The following NEMP2 variants were observed in gnomAD, a reference collection of about 807,000 sequenced individuals.
NEMP2 encodes the protein nuclear envelope integral membrane protein 2, also known as UPF0571 transmembrane protein.
NEMP2 carries 53 observed loss-of-function variants against 54.2 expected under a neutral mutation model. The observed-to-expected ratio is 0.98, with a 90% CI of 0.78 to 1.23. The LOEUF (loss-of-function observed/expected upper bound fraction) is 1.23, where lower values mean the gene tolerates loss of function less well. Among genes scored for constraint, NEMP2 ranks in the 50% most tolerant of loss-of-function variants. The pLI, the probability that NEMP2 is intolerant of heterozygous loss-of-function variation, is 0.00. For synonymous variants in NEMP2, 197 were observed against 190.3 expected (o/e 1.04, Z -0.29); for missense variants, 455 against 511.3 (o/e 0.89, Z 1.06).
chr2:190,505,812 A>C lies in NEMP2; in HGVS notation c.*3377T>G, dbSNP rs962851913. The C allele has an allele frequency of 1.3e-5, 2 of 152,268 alleles. No individual in the cohort carries two copies. The highest frequency in any genetic ancestry group is 4.8e-5 in the African/African-American group (2 of 41,466). The allele number at this position is 152,268 out of a possible 1,614,324, so 9.4% of individuals were successfully genotyped here. On this transcript the variant is annotated 3_prime_UTR_variant, in exon 9 of 9. Coordinates refer to ENST00000409150, the MANE Select transcript of NEMP2 (RefSeq NM_001142645.2). This position sits in a 1 kb window ranked among gnomAD's most constrained non-coding sequence, Gnocchi z 5.8. ...AGAGGAAAAAGTTGGCAGGACCTGC[A>C]TAAAGGAAGGCGTGGTCTTTGTCAA...
chr2:190,548,719 A>G, the NEMP2 span, among the ~76,000 whole-genome samples: 10 of 152,358 alleles, frequency 6.6e-5, no homozygotes, highest in African/African-American at 1.4e-4. Flanking sequence ...CTTTATATCT[A>G]TCATGAAGTA....
At chr2:190,435,816 T>C in the NEMP2 span, 1 of 599,206 alleles carries the variant, frequency 1.7e-6, no homozygotes, top group East Asian at 3.0e-5. Flanking sequence ...AAAGCTATTT[T>C]TCCTTACCGG....
the NEMP2 span, among the ~76,000 whole-genome samples, chr2:190,601,397 G>T: frequency 1.4e-4 from 21 of 152,254 alleles, no homozygotes; most frequent in African/African-American, 4.6e-4. This position sits in a 1 kb window ranked among gnomAD's most constrained non-coding sequence, Gnocchi z 5.8. Context: ...GCTTTGTGGT[G>T]CCTTGTTATG....
chr2:190,509,335 TAA>T lies in NEMP2; in HGVS notation c.1131-25_1131-24del, dbSNP rs1394666931. On this transcript the variant is annotated intron_variant, in intron 8 of 8. Coordinates refer to ENST00000409150, the MANE Select transcript of NEMP2 (RefSeq NM_001142645.2). The surrounding 1 kb of genome is among the most constrained non-coding windows in gnomAD (Gnocchi z 6.1). Reference sequence around the variant, plus strand: ...AATCTAACAAGTTTTTTGTTTTAAATAAAGTTAATGTTATCTCAGGAAGGTTT... The same window carrying T: ...AATCTAACAAGTTTTTTGTTTTAAATAGTTAATGTTATCTCAGGAAGGTTT... The T allele has an allele frequency of 1.9e-6, 3 of 1,550,060 alleles. No individual in the cohort carries two copies. The highest frequency in any genetic ancestry group is 2.6e-6 in the Non-Finnish European group (3 of 1,145,744).
chr2:190,643,454 T>G, the NEMP2 span, among the ~76,000 whole-genome samples: 2 of 152,228 alleles, frequency 1.3e-5, no homozygotes, highest in African/African-American at 4.8e-5. Flanking sequence ...AGACATGGGC[T>G]GTGGGACAGA....
At chr2:190,432,009 G>T in the NEMP2 span, among the ~76,000 whole-genome samples, 1 of 148,822 alleles carries the variant, frequency 6.7e-6, no homozygotes, top group Admixed American at 6.6e-5. Context: ...TGATTTCTCT[G>T]GACTGATAGT....
chr2:190,509,232 C>T lies in NEMP2; in HGVS notation c.1211G>A (p.Gly404Asp), dbSNP rs764794335. 2 of 1,551,658 alleles carry T rather than the reference C, an allele frequency of 1.3e-6. No homozygotes were observed. The highest frequency in any genetic ancestry group is 2.4e-5 in the South Asian group (2 of 84,044). The change falls in exon 9 of 9, where the codon GGT becomes GAT. Residue 404 changes from glycine (G) to aspartate (D), a missense_variant. This residue lies in a region of NEMP2 where 294 missense variants were observed against 333.6 expected (regional missense o/e 0.88). Transcript: ENST00000409150. The surrounding 1 kb of genome is among the most constrained non-coding windows in gnomAD (Gnocchi z 6.1). ...SLHEEQYGLGGAFLEEQLFNP... is the reference protein window; with the variant it reads ...SLHEEQYGLGDAFLEEQLFNP... ...AAAGAGCTGCTCTTCCAAGAAGGCA[C>T]CCCCAAGGCCATACTGCTCTTCATG...
chr2:190,465,274 C>T, the NEMP2 span, among the ~76,000 whole-genome samples: 1 of 152,144 alleles, frequency 6.6e-6, no homozygotes, highest in African/African-American at 2.4e-5. This position sits in a 1 kb window ranked among gnomAD's most constrained non-coding sequence, Gnocchi z 4.6. Flanking sequence ...TTATAGATAA[C>T]TTCAGTTTAC....
chr2:190,618,158 G>T, the NEMP2 span, among the ~76,000 whole-genome samples: 3 of 152,198 alleles, frequency 2.0e-5, no homozygotes, highest in Non-Finnish European at 4.4e-5. Context: ...TATCAGTGTG[G>T]TAACTCATCA....
the NEMP2 span, among the ~76,000 whole-genome samples, chr2:190,479,497 CCTTTT>C: frequency 6.6e-6 from 1 of 152,034 alleles, no homozygotes; most frequent in African/African-American, 2.4e-5. Context: ...GGAATTTTCT[CCTTTT>C]GTTTTGTACA....
the NEMP2 span, among the ~76,000 whole-genome samples, chr2:190,421,735 A>T: frequency 1.0e-3 from 153 of 151,290 alleles, no homozygotes; most frequent in East Asian, 5.6e-3. Flanking sequence ...TAAAAAAAAA[A>T]TTTTTTTTAA....
At chr2:190,496,231 A>G in the NEMP2 span, among the ~76,000 whole-genome samples, 1,716 of 152,302 alleles carry the variant, frequency 0.011, 38 homozygotes, top group African/African-American at 0.038. The surrounding 1 kb of genome is among the most constrained non-coding windows in gnomAD (Gnocchi z 4.7). Flanking sequence ...ACATGAAACA[A>G]TGGTCAACAT....
At chr2:190,577,994 G>A in the NEMP2 span, among the ~76,000 whole-genome samples, 1 of 152,134 alleles carries the variant, frequency 6.6e-6, no homozygotes, top group Non-Finnish European at 1.5e-5. The surrounding 1 kb of genome is among the most constrained non-coding windows in gnomAD (Gnocchi z 4.8). Flanking sequence ...TCAATGTTTT[G>A]TCTACAGACA....
chr2:190,517,524 G>A lies in NEMP2; in HGVS notation c.608C>T (p.Pro203Leu), dbSNP rs984156058. 1.1e-5 allele frequency: 17 copies of A among 1,546,104 alleles called. No individual in the cohort carries two copies. The East Asian group carries it at 2.0e-4, about 18-fold the overall frequency. Residue 203 changes from proline to leucine, a missense_variant, in exon 5 of 9, where the codon CCG becomes CTG. Pro to Leu is a moderately conservative substitution (Grantham distance 98). Transcript: ENST00000409150. ...ATTTTCACATAGTATGCCTACCTTC[G>A]GAATGAATCTTTTCACCAACAGCAA... ...FVLLLVKRFI[P>L]KYSTFWALMV...
chr2:190,549,270 G>C, the NEMP2 span, among the ~76,000 whole-genome samples: 1 of 152,180 alleles, frequency 6.6e-6, no homozygotes, highest in Non-Finnish European at 1.5e-5. Context: ...TAAAATGTCT[G>C]ACTGACTCTC....
At chr2:190,500,287 C>G, downstream of NEMP2, 1 of 1,553,214 alleles carries the variant, frequency 6.4e-7, no homozygotes, top group Non-Finnish European at 8.8e-7. This position sits in a 1 kb window ranked among gnomAD's most constrained non-coding sequence, Gnocchi z 5.3. Context: ...GTGAGGCCCC[C>G]CAGCCAGGAT....
the NEMP2 span, among the ~76,000 whole-genome samples, chr2:190,632,420 C>T: frequency 6.6e-6 from 1 of 152,258 alleles, no homozygotes; most frequent in Non-Finnish European, 1.5e-5. The surrounding 1 kb of genome is among the most constrained non-coding windows in gnomAD (Gnocchi z 4.8). Context: ...TCTAACTTAG[C>T]CACATGCTGT....
At chr2:190,623,081 C>T in the NEMP2 span, among the ~76,000 whole-genome samples, 2 of 151,936 alleles carry the variant, frequency 1.3e-5, no homozygotes, top group African/African-American at 4.8e-5. Flanking sequence ...ATCCTATTTA[C>T]TATACAAAAT....
chr2:190,638,033 T>C, the NEMP2 span, among the ~76,000 whole-genome samples: 1 of 152,156 alleles, frequency 6.6e-6, no homozygotes, highest in African/African-American at 2.4e-5. The surrounding 1 kb of genome is among the most constrained non-coding windows in gnomAD (Gnocchi z 5.7). Context: ...TGAAAGTAAG[T>C]GAAGAAAGAG....
Sources: allele counts gnomAD v4.1 joint callset (sites outside exome capture counted in the v4.1 genomes callset), GRCh38; gene constraint gnomAD v4.1.1; regional missense constraint gnomAD v4.1.1; non-coding constraint Gnocchi (gnomAD v3.1); transcripts MANE v1.5; gene names NCBI Gene and HGNC (gene_info 2026-07-23, HGNC 2026-07-21).